Variants in SVOPL observed in about 807,000 individuals in gnomAD.
The protein encoded by SVOPL is SVOP like, also known as putative transporter SVOPL.
SVOPL carries 60 observed loss-of-function variants against 61.0 expected under a neutral mutation model. The observed-to-expected ratio is 0.98, with a 90% CI of 0.80 to 1.22. SVOPL has a LOEUF of 1.22. SVOPL is among the 50% of genes most tolerant of loss of function. The pLI is 0.00. For missense variants in SVOPL, 662 were observed against 643.9 expected, an observed-to-expected ratio of 1.03 and a Z score of -0.30; for synonymous variants, 279 against 250.0, an observed-to-expected ratio of 1.12 and a Z score of -1.09.
chr7:138,634,471 G>A (rs79087692), intron 9 of SVOPL, among the ~76,000 whole-genome samples: 8,195 of 148,872 alleles, frequency 0.055, 258 homozygotes, highest in East Asian at 0.13. Flanking sequence ...AGACCCCGTC[G>A]CTACAAAATA....
At chr7:138,693,529 A>AAAAAAAG (rs1554477034) in intron 1 of SVOPL, among the ~76,000 whole-genome samples, 1 of 117,086 alleles carries the variant, frequency 8.5e-6, no homozygotes, top group Non-Finnish European at 1.7e-5. Context: ...AAAAGAAAGA[A>AAAAAAAG]AAAGAAAGAA....
chr7:138,606,457 T>G (rs1798761754), intron 14 of SVOPL, among the ~76,000 whole-genome samples: 1 of 152,172 alleles, frequency 6.6e-6, no homozygotes, highest in Non-Finnish European at 1.5e-5. Context: ...TGCCCTTATC[T>G]GTGCAGCTGT....
At chr7:138,618,713 A>G (rs1288115055) in intron 14 of SVOPL, among the ~76,000 whole-genome samples, 1 of 140,586 alleles carries the variant, frequency 7.1e-6, no homozygotes, top group Non-Finnish European at 1.5e-5. Context: ...CACGCGCGAG[A>G]GAGAGAGAGA....
At chr7:138,598,893 A>T (rs1798390157) in intron 14 of SVOPL, among the ~76,000 whole-genome samples, 1 of 152,136 alleles carries the variant, frequency 6.6e-6, no homozygotes, top group Admixed American at 6.6e-5. Flanking sequence ...GTAAAAATAT[A>T]ATCTTCACCA....
chr7:138,644,109 G>A (rs1474401999), intron 9 of SVOPL, among the ~76,000 whole-genome samples: 1 of 145,036 alleles, frequency 6.9e-6, no homozygotes, highest in Non-Finnish European at 1.5e-5. Flanking sequence ...GCTGACACAG[G>A]AGAATCACTT....
At chr7:138,595,242 C>T (rs1192671316) in intron 15 of SVOPL, among the ~76,000 whole-genome samples, 1 of 152,106 alleles carries the variant, frequency 6.6e-6, no homozygotes, top group Non-Finnish European at 1.5e-5. Flanking sequence ...TTGCCATGTT[C>T]TTATAAACAT....
chr7:138,626,831 G>T lies in SVOPL; in HGVS notation c.1181+519C>A, dbSNP rs143921447. ...ACTGCATTCCCGCCTGGGTGACAAG[G>T]TGAGAGAACCTGTCTCAAAGAAAAA... On this transcript the variant is annotated intron_variant, in intron 12 of 15. Coordinates refer to ENST00000674285, the MANE Select transcript of SVOPL (RefSeq NM_001139456.2). 9.3e-3 allele frequency among the ~76,000 whole-genome samples: 1,300 copies of T among 139,632 alleles called. 18 individuals are homozygous for T. Among genetic ancestry groups the T allele is most frequent in the African/African-American group, 0.034 (1,246 of 37,106 alleles). The allele number at this position is 139,632 out of a possible 152,430, so 91.6% of individuals were successfully genotyped here. A position where few individuals can be genotyped will look rare whatever the true frequency, so the allele number is the denominator to read the frequency against.
At chr7:138,620,119 G>GTTTTTTTTTTTTTTTTTTTTTT in intron 14 of SVOPL, among the ~76,000 whole-genome samples, 1 of 114,588 alleles carries the variant, frequency 8.7e-6, no homozygotes, top group Non-Finnish European at 1.8e-5. Context: ...TTTTTTTTCT[G>GTTTTTTTTTTTTTTTTTTTTTT]TTTTGTTTTT....
chr7:138,681,106 A>G (rs1802691277), intron 1 of SVOPL, among the ~76,000 whole-genome samples: 1 of 150,916 alleles, frequency 6.6e-6, no homozygotes, highest in African/African-American at 2.4e-5. Flanking sequence ...AATCAAATTT[A>G]GCTACGTAAA....
chr7:138,619,561 TAAAAAA>T (rs11440977), intron 14 of SVOPL, among the ~76,000 whole-genome samples: 4,407 of 60,300 alleles, frequency 0.073, 105 homozygotes, highest in Middle Eastern at 0.18. Flanking sequence ...TCTCAGATGT[TAAAAAA>T]AAAAAAAAAA....
intron 3 of SVOPL, among the ~76,000 whole-genome samples, chr7:138,673,553 G>A (rs552363700): frequency 3.6e-4 from 55 of 152,230 alleles, no homozygotes; most frequent in African/African-American, 1.2e-3. Context: ...GGTGAGGCAC[G>A]AGAATCACTT....
At position 138,596,508 on chromosome 7, in the gene SVOPL, A is replaced by C; in HGVS notation, c.1376T>G (p.Leu459Arg). 3.1e-6 allele frequency: 5 copies of C among 1,613,860 alleles called. No homozygotes were observed. The highest frequency in any genetic ancestry group is 4.2e-6 in the Non-Finnish European group (5 of 1,179,832). ...AGATGAGAAGAGACACAGGGCCCCCAGTATTGATGCACTCATAAGAACCTG... is the reference window on the plus strand; with the variant it reads ...AGATGAGAAGAGACACAGGGCCCCCCGTATTGATGCACTCATAAGAACCTG... The part of the protein sequence containing the change: ...ISQVLMSASI[L>R]GALCLFSSVC... The change falls in exon 15 of 16, where the codon CTG (leucine) becomes CGG (arginine). Residue 459 changes from leucine to arginine, a missense_variant. Transcript: ENST00000674285.
chr7:138,645,524 C>G (rs1170420484), intron 8 of SVOPL: 2 of 152,698 alleles, frequency 1.3e-5, no homozygotes, highest in African/African-American at 4.8e-5. Context: ...GATTTTCCAG[C>G]CTTTTTCCTC....
chr7:138,655,637 CTA>C (rs1801690857), intron 7 of SVOPL, among the ~76,000 whole-genome samples: 2 of 77,060 alleles, frequency 2.6e-5, no homozygotes, highest in Admixed American at 1.6e-4. Flanking sequence ...TGTATATATA[CTA>C]TTATATATAT....
intron 14 of SVOPL, among the ~76,000 whole-genome samples, chr7:138,597,993 C>T (rs1366523268): frequency 1.3e-5 from 2 of 152,136 alleles, no homozygotes; most frequent in African/African-American, 4.8e-5. Context: ...TTCCCTGAAG[C>T]TTCGTAACAA....
intron 1 of SVOPL, among the ~76,000 whole-genome samples, chr7:138,699,813 T>G (rs1326970440): frequency 6.6e-6 from 1 of 152,156 alleles, no homozygotes. Context: ...CGGAACAGCG[T>G]TCAGTGCCCG....
chr7:138,643,018 G>A (rs1673173), intron 9 of SVOPL, among the ~76,000 whole-genome samples: 33,963 of 151,882 alleles, frequency 0.22, 5,340 homozygotes, highest in African/African-American at 0.45. Flanking sequence ...TGGTGGGAAT[G>A]TAAAATGGTT....
intron 9 of SVOPL, among the ~76,000 whole-genome samples, chr7:138,644,023 G>A (rs950447593): frequency 6.6e-6 from 1 of 151,814 alleles, no homozygotes; most frequent in Non-Finnish European, 1.5e-5. Context: ...CCAACATGGT[G>A]AAACCCTGTC....
chr7:138,615,489 G>A (rs1242551409), intron 14 of SVOPL, among the ~76,000 whole-genome samples: 1 of 147,440 alleles, frequency 6.8e-6, no homozygotes, highest in Non-Finnish European at 1.5e-5. Context: ...TCAGGAGGCA[G>A]AGCTTGCAGT....
Sources: gnomAD v4.1 joint callset for allele counts (sites outside exome capture counted in the v4.1 genomes callset) on GRCh38, gnomAD v4.1.1 for gene constraint, MANE v1.5 for transcripts, NCBI Gene and HGNC (gene_info 2026-07-23, HGNC 2026-07-21) for gene names.